Variants in SUCLG2 observed in about 807,000 individuals in gnomAD.
SUCLG2 encodes succinate-CoA ligase GDP-forming subunit beta.
A neutral mutation model predicts 47.9 loss-of-function variants in SUCLG2; 42 were observed. The ratio of observed to expected loss-of-function variants is 0.88; its 90% CI spans 0.69 to 1.14. SUCLG2 has a LOEUF of 1.14. Among genes scored for constraint, SUCLG2 ranks in the 50% most tolerant of loss-of-function variants. The pLI is 0.00. For synonymous variants in SUCLG2, 195 were observed against 197.3 expected (o/e 0.99, Z 0.10); for missense variants, 571 against 525.9 (o/e 1.09, Z -0.84).
intron 9 of SUCLG2, among the ~76,000 whole-genome samples, chr3:67,407,235 A>G (rs1030184588): frequency 2.0e-5 from 3 of 152,204 alleles, no homozygotes; most frequent in African/African-American, 7.2e-5. Flanking sequence ...CCTGACACAG[A>G]TGTGATTTGG....
chr3:67,598,180 CTG>C (rs1708337738), intron 2 of SUCLG2, among the ~76,000 whole-genome samples: 2 of 151,978 alleles, frequency 1.3e-5, no homozygotes, highest in South Asian at 4.1e-4. Flanking sequence ...CGGGGTTTCA[CTG>C]TGTTGCCCAG....
At chr3:67,450,449 T>TCAA (rs1365265148) in intron 9 of SUCLG2, among the ~76,000 whole-genome samples, 18 of 152,192 alleles carry the variant, frequency 1.2e-4, no homozygotes. Context: ...TTCTTGAGAT[T>TCAA]TTCTGGAATT....
chr3:67,600,213 T>C (rs891468716), intron 2 of SUCLG2, among the ~76,000 whole-genome samples: 4 of 152,236 alleles, frequency 2.6e-5, no homozygotes, highest in South Asian at 2.1e-4. Context: ...TAAAAAAACA[T>C]AGCTTCACAC....
intron 9 of SUCLG2, among the ~76,000 whole-genome samples, chr3:67,413,091 A>G (rs184294175): frequency 1.3e-5 from 2 of 152,320 alleles, no homozygotes; most frequent in East Asian, 3.9e-4. Context: ...TTTTTGGGAC[A>G]TGGCTAATAC....
In SUCLG2 at chr3:67,462,791, C is replaced by T. The variant is rs552936172; in HGVS notation, c.1062+33007G>A. The stretch of plus-strand genomic sequence containing the variant: ...AAAACAACCTGGAGCTTGCAATCAG[C>T]ATCGGAAGTGAGGCGTGGTTTTGTG... On this transcript the variant is annotated intron_variant, in intron 9 of 10. Transcript: ENST00000307227. 3.9e-5 allele frequency among the ~76,000 whole-genome samples: 6 copies of T among 152,294 alleles called. No homozygotes were observed. The South Asian group carries it at 6.2e-4, about 16-fold the overall frequency.
At chr3:67,448,460 A>C (rs556675971) in intron 9 of SUCLG2, among the ~76,000 whole-genome samples, 1 of 152,270 alleles carries the variant, frequency 6.6e-6, no homozygotes, top group African/African-American at 2.4e-5. Context: ...ATCTCAGCTC[A>C]CTGCAACCTC....
At chr3:67,600,084 C>T (rs191289241) in intron 2 of SUCLG2, among the ~76,000 whole-genome samples, 40 of 152,282 alleles carry the variant, frequency 2.6e-4, no homozygotes, top group Admixed American at 3.9e-4. Flanking sequence ...GAAAGTATGA[C>T]GCTCATTTTC....
chr3:67,585,583 T>A (rs1202896201), intron 2 of SUCLG2, among the ~76,000 whole-genome samples: 1 of 152,102 alleles, frequency 6.6e-6, no homozygotes, highest in Admixed American at 6.5e-5. Flanking sequence ...CACTAGAATG[T>A]AAGAGCTGAC....
intron 9 of SUCLG2, among the ~76,000 whole-genome samples, chr3:67,426,338 A>T (rs1459892697): frequency 6.6e-6 from 1 of 152,200 alleles, no homozygotes; most frequent in Non-Finnish European, 1.5e-5. Context: ...GAAAGAATAT[A>T]TTAGGTGAAA....
At chr3:67,636,554 G>A (rs895103846) in intron 1 of SUCLG2, among the ~76,000 whole-genome samples, 12 of 152,126 alleles carry the variant, frequency 7.9e-5, no homozygotes, top group East Asian at 3.9e-4. Context: ...GGGTTTCACC[G>A]TGTTAGCCAG....
In SUCLG2 at chr3:67,437,327, A is replaced by G. The variant is rs77345102; in HGVS notation, c.1063-36476T>C. On this transcript the variant is annotated intron_variant, in intron 9 of 10. Coordinates refer to ENST00000307227, the MANE Select transcript of SUCLG2 (RefSeq NM_003848.4). Reference sequence around the variant, plus strand: ...GATCAATCACTAGGGGCCATTTTAAAGGCTGCCTGAAAATACAATCCTGTG... The same window carrying G: ...GATCAATCACTAGGGGCCATTTTAAGGGCTGCCTGAAAATACAATCCTGTG... Among the ~76,000 whole-genome samples the G allele has an allele frequency of 8.2e-3, 1,252 of 152,332 alleles. 19 individuals are homozygous for G. Among genetic ancestry groups the G allele is most frequent in the African/African-American group, 0.029 (1,210 of 41,574 alleles).
chr3:67,524,323 T>C (rs1706197567), intron 4 of SUCLG2, among the ~76,000 whole-genome samples: 1 of 152,260 alleles, frequency 6.6e-6, no homozygotes, highest in Non-Finnish European at 1.5e-5. Flanking sequence ...CTGCTGAATC[T>C]GTTTCCTTAA....
At chr3:67,569,379 C>T (rs1433230506) in intron 2 of SUCLG2, among the ~76,000 whole-genome samples, 2 of 152,186 alleles carry the variant, frequency 1.3e-5, no homozygotes. Flanking sequence ...ATTTCTTTTT[C>T]TTATACACAG....
intron 9 of SUCLG2, among the ~76,000 whole-genome samples, chr3:67,437,781 T>G (rs1703660949): frequency 6.6e-6 from 1 of 152,100 alleles, no homozygotes; most frequent in Non-Finnish European, 1.5e-5. Context: ...TGATAAAAAA[T>G]TATAATCATC....
chr3:67,390,062 A>G (rs545812287), intron 10 of SUCLG2, among the ~76,000 whole-genome samples: 1 of 152,336 alleles, frequency 6.6e-6, no homozygotes, highest in African/African-American at 2.4e-5. Context: ...GCTAATATTT[A>G]TTAAGTACTT....
chr3:67,414,225 A>G (rs926876596), intron 9 of SUCLG2, among the ~76,000 whole-genome samples: 13 of 152,178 alleles, frequency 8.5e-5, no homozygotes, highest in African/African-American at 2.7e-4. Context: ...GTTCCCTTTC[A>G]TACTATGCCA....
chr3:67,512,350 C>T lies in SUCLG2; in HGVS notation c.661-3447G>A, dbSNP rs553356042. Reference sequence around the variant, plus strand: ...TGCGAAGCCAGCAAATACTTCATTGCGGAATATTTTTTGTATTTTAGGGGG... The same window carrying T: ...TGCGAAGCCAGCAAATACTTCATTGTGGAATATTTTTTGTATTTTAGGGGG... On this transcript the variant is annotated intron_variant, in intron 6 of 10. Coordinates refer to ENST00000307227, the MANE Select transcript of SUCLG2 (RefSeq NM_003848.4). Among the ~76,000 whole-genome samples, 25 of 151,076 alleles carry T rather than the reference C, an allele frequency of 1.7e-4. 1 individual carries two copies. Among genetic ancestry groups the T allele is most frequent in the Middle Eastern group, 3.4e-3 (1 of 294 alleles).
At chr3:67,371,729 C>A (rs1701956976), downstream of SUCLG2, among the ~76,000 whole-genome samples, 1 of 152,178 alleles carries the variant, frequency 6.6e-6, no homozygotes, top group African/African-American at 2.4e-5. Context: ...AACATCCTTT[C>A]AAATGATCAT....
At chr3:67,450,815 G>A (rs1704039220) in intron 9 of SUCLG2, among the ~76,000 whole-genome samples, 1 of 152,146 alleles carries the variant, frequency 6.6e-6, no homozygotes, top group Non-Finnish European at 1.5e-5. Flanking sequence ...ACTGTATCTG[G>A]CCCATGGCTA....
Sources: gnomAD v4.1 joint callset for allele counts (sites outside exome capture counted in the v4.1 genomes callset) on GRCh38, gnomAD v4.1.1 for gene constraint, MANE v1.5 for transcripts, NCBI Gene and HGNC (gene_info 2026-07-23, HGNC 2026-07-21) for gene names.